PPP1R42: variants seen among roughly 807,000 people sequenced by gnomAD.
PPP1R42 encodes protein phosphatase 1 regulatory subunit 42.
A neutral mutation model predicts 31.0 loss-of-function variants in PPP1R42; 34 were observed. The ratio of observed to expected loss-of-function variants is 1.10; its 90% CI spans 0.83 to 1.46. The LOEUF is 1.46. Ranked by LOEUF, PPP1R42 falls within the 40% of genes most tolerant of loss-of-function variation. The pLI is 0.00. For synonymous variants in PPP1R42, 103 were observed against 109.8 expected (o/e 0.94, Z 0.39); for missense variants, 268 against 303.0 (o/e 0.88, Z 0.86).
intron 1 of PPP1R42, among the ~76,000 whole-genome samples, chr8:67,025,544 G>GTTTT (rs112945724): frequency 7.1e-6 from 1 of 141,422 alleles, no homozygotes; most frequent in South Asian, 2.2e-4. Context: ...CCATCTTAGG[G>GTTTT]TTTTTTTTTT....
intron 5 of PPP1R42, among the ~76,000 whole-genome samples, chr8:66,990,784 T>C (rs1369828627): frequency 6.6e-6 from 1 of 152,214 alleles, no homozygotes; most frequent in Non-Finnish European, 1.5e-5. Flanking sequence ...TTGTCATCCT[T>C]CTGACTGCCT....
chr8:66,981,998 A>G, intron 7 of PPP1R42, 51 bp downstream of exon 7: 7 of 1,296,564 alleles, frequency 5.4e-6, no homozygotes, highest in Non-Finnish European at 6.8e-6. Context: ...GTTGCCTAGA[A>G]TATTTCCTTT....
chr8:67,013,141 C>A, intron 3 of PPP1R42, 45 bp from the exon 4 acceptor site: 3 of 1,500,406 alleles, frequency 2.0e-6, no homozygotes, highest in Middle Eastern at 3.5e-4. Flanking sequence ...CTGAGAATGT[C>A]ATGGTCTTTA....
At chr8:67,018,235 G>A (rs1816078540) in intron 1 of PPP1R42, among the ~76,000 whole-genome samples, 1 of 149,970 alleles carries the variant, frequency 6.7e-6, no homozygotes, top group Non-Finnish European at 1.5e-5. Context: ...CCTGTCACAA[G>A]CCTCCCGAGT....
intron 4 of PPP1R42, 94 bp downstream of exon 4, chr8:67,012,864 G>T: frequency 8.3e-7 from 1 of 1,202,794 alleles, no homozygotes; most frequent in Non-Finnish European, 1.1e-6. Context: ...TGAAGAGGAT[G>T]TACAATGTCC....
intron 1 of PPP1R42, among the ~76,000 whole-genome samples, chr8:67,020,407 G>T (rs1816179025): frequency 2.0e-5 from 3 of 152,060 alleles, no homozygotes; most frequent in Admixed American, 1.3e-4. Context: ...CACCATGTTG[G>T]CCAGGCTAGT....
At chr8:66,974,047 TAGG>T (rs1363691211) in intron 7 of PPP1R42, among the ~76,000 whole-genome samples, 1 of 152,218 alleles carries the variant, frequency 6.6e-6, no homozygotes, top group African/African-American at 2.4e-5. Context: ...GCAATGAACA[TAGG>T]AGTACTGATG....
rs1453865878 is a variant in PPP1R42, at chr8:66,971,031, T to G, written c.803-6697A>C. 5 of 1,530,648 alleles carry G rather than the reference T, an allele frequency of 3.3e-6. No homozygotes were observed. The Admixed American group carries it at 1.0e-4, about 31-fold the overall frequency. The allele number at this position is 1,530,648 out of a possible 1,614,324, so 94.8% of individuals were successfully genotyped here. A position where few individuals can be genotyped will look rare whatever the true frequency, so the allele number is the denominator to read the frequency against. ...AATCTTCTCAGGAACTTTCTGGAGA[T>G]GCATTTGCATTTACAGGGTATCTCT... is the stretch of plus-strand genomic sequence containing the variant. On this transcript the variant is annotated intron_variant, in intron 7 of 7. Coordinates refer to ENST00000685739, the MANE Select transcript of PPP1R42 (RefSeq NM_001364910.1).
Position 66,975,082 on chromosome 8 carries a change from C to T in PPP1R42, c.802+6967G>A, listed in dbSNP as rs117406298. Among the ~76,000 whole-genome samples, 414 of 152,192 alleles carry T rather than the reference C, an allele frequency of 2.7e-3. 3 individuals carry two copies. Among genetic ancestry groups the T allele is most frequent in the Middle Eastern group, 0.01 (3 of 294 alleles). On this transcript the variant is annotated intron_variant, in intron 7 of 7. Coordinates refer to ENST00000685739, the MANE Select transcript of PPP1R42 (RefSeq NM_001364910.1). Reference sequence around the variant, plus strand: ...AATCTGTGGATCACTTTTGGTCTTACGGATATTTTACAATATTGAGTCTTC... The same window carrying T: ...AATCTGTGGATCACTTTTGGTCTTATGGATATTTTACAATATTGAGTCTTC...
intron 7 of PPP1R42, chr8:66,971,191 A>T (rs941457965): frequency 3.7e-6 from 5 of 1,349,962 alleles, no homozygotes; most frequent in Non-Finnish European, 4.9e-6. Context: ...TAATAACTAA[A>T]TTTTTAAAAA....
At chr8:66,985,637 C>A (rs949772050) in intron 6 of PPP1R42, 6 of 1,350,700 alleles carry the variant, frequency 4.4e-6, no homozygotes, top group Non-Finnish European at 6.4e-6. Flanking sequence ...TCAATGGCAT[C>A]ATTCATGAAA....
chr8:67,014,873 G>T (rs773040596), intron 2 of PPP1R42, among the ~76,000 whole-genome samples: 2 of 152,044 alleles, frequency 1.3e-5, no homozygotes, highest in Non-Finnish European at 2.9e-5. Flanking sequence ...AAGCAATTAG[G>T]CTCCTCTGGA....
chr8:67,015,052 T>A (rs1815966087), intron 2 of PPP1R42, among the ~76,000 whole-genome samples: 1 of 152,156 alleles, frequency 6.6e-6, no homozygotes, highest in Admixed American at 6.6e-5. Context: ...GGAGTCTCAT[T>A]CTGTTGGCCA....
chr8:67,014,318 AT>A (rs769067972), intron 3 of PPP1R42, 107 bp downstream of exon 3: 10 of 579,018 alleles, frequency 1.7e-5, no homozygotes, highest in Non-Finnish European at 2.3e-5. Flanking sequence ...TTCATATTGA[AT>A]TTACTTTTGG....
chr8:67,003,389 C>CTTTTTTTTTTTTTTTTTTTTTTTTTTT (rs5892069), intron 5 of PPP1R42, among the ~76,000 whole-genome samples: 1 of 32,938 alleles, frequency 3.0e-5, no homozygotes, highest in Non-Finnish European at 5.4e-5. Context: ...TTTCATGCTT[C>CTTTTTTTTTTTTTTTTTTTTTTTTTTT]TTTTTTTTTT....
At chr8:67,002,157 A>G (rs1398291897) in intron 5 of PPP1R42, among the ~76,000 whole-genome samples, 4 of 152,218 alleles carry the variant, frequency 2.6e-5, no homozygotes, top group African/African-American at 9.6e-5. Flanking sequence ...CTATGTACAT[A>G]AAATATCTTT....
At chr8:66,975,384 A>G (rs1022038182) in intron 7 of PPP1R42, among the ~76,000 whole-genome samples, 1 of 152,224 alleles carries the variant, frequency 6.6e-6, no homozygotes, top group Non-Finnish European at 1.5e-5. Flanking sequence ...GCAGTGGCTC[A>G]TGCCTGTAAT....
chr8:66,964,361 G>A (rs1033301484), intron 7 of PPP1R42, 27 bp from the exon 8 acceptor site: 5 of 1,200,934 alleles, frequency 4.2e-6, no homozygotes, highest in Non-Finnish European at 3.2e-6. Context: ...GGAAAAAAAA[G>A]CATTAAATTA....
At chr8:66,970,933 C>T (rs1170053935) in intron 7 of PPP1R42, 2 of 1,333,656 alleles carry the variant, frequency 1.5e-6, no homozygotes, top group South Asian at 1.3e-5. Context: ...GAAGATGTCT[C>T]CTCCCCACCA....
Sources: gnomAD v4.1 joint callset for allele counts (sites outside exome capture counted in the v4.1 genomes callset) on GRCh38, gnomAD v4.1.1 for gene constraint, MANE v1.5 for transcripts, NCBI Gene and HGNC (gene_info 2026-07-23, HGNC 2026-07-21) for gene names.